The following AP4E1 variants were observed in gnomAD, a reference collection of about 807,000 sequenced individuals.
AP4E1 encodes AP-4 complex subunit epsilon-1.
In AP4E1, 56 loss-of-function variants were observed where a neutral mutation model predicts 128.2. That is an observed-to-expected ratio of 0.44 (90% CI 0.35 to 0.55). The LOEUF (loss-of-function observed/expected upper bound fraction) is 0.55. Among genes scored for constraint, AP4E1 ranks in the 20% least tolerant of loss-of-function variants. The probability of loss-of-function intolerance (pLI) is 0.00; values close to 1 mark genes in which losing one functional copy is unlikely to be tolerated. For missense variants in AP4E1, 1,324 were observed against 1,307.7 expected (o/e 1.01, Z -0.19); for synonymous variants, 484 against 473.1 (o/e 1.02, Z -0.30).
At chr15:50,975,237 C>T (rs2064535936) in intron 15 of AP4E1, among the ~76,000 whole-genome samples, 1 of 152,156 alleles carries the variant, frequency 6.6e-6, no homozygotes, top group Non-Finnish European at 1.5e-5. Flanking sequence ...GATACCTCAT[C>T]TCTACTGAAA....
intron 16 of AP4E1, among the ~76,000 whole-genome samples, chr15:50,992,435 C>G (rs2064818855): frequency 6.6e-6 from 1 of 152,046 alleles, no homozygotes; most frequent in South Asian, 2.1e-4. Flanking sequence ...AAATGATTAC[C>G]ACAATCAAAC....
At chr15:50,921,461 G>A (rs1359453435) in intron 3 of AP4E1, among the ~76,000 whole-genome samples, 1 of 151,756 alleles carries the variant, frequency 6.6e-6, no homozygotes, top group Non-Finnish European at 1.5e-5. Context: ...CGATTCTTAT[G>A]CCTCAGCCTC....
At chr15:50,995,980 CTTTT>C (rs1199189475) in intron 17 of AP4E1, among the ~76,000 whole-genome samples, 13 of 91,796 alleles carry the variant, frequency 1.4e-4, no homozygotes, top group Admixed American at 4.5e-4. Flanking sequence ...TAATATACAT[CTTTT>C]TTTTTTTTTT....
intron 3 of AP4E1, among the ~76,000 whole-genome samples, chr15:50,923,612 TTTGA>T (rs2063733854): frequency 6.6e-6 from 1 of 152,188 alleles, no homozygotes; most frequent in Admixed American, 6.5e-5. Flanking sequence ...TAGAGAATGC[TTTGA>T]TTGATAATGT....
At chr15:50,983,893 T>A (rs1267433066) in intron 15 of AP4E1, 129 bp from the exon 16 acceptor site, 1 of 855,560 alleles carries the variant, frequency 1.2e-6, no homozygotes. Context: ...TAGATCATCC[T>A]CAAAGTCCTT....
intron 14 of AP4E1, 130 bp downstream of exon 14, chr15:50,958,924 C>T: frequency 2.0e-6 from 2 of 1,008,074 alleles, no homozygotes; most frequent in East Asian, 2.5e-5. Context: ...GTTGGAGTTC[C>T]TTTTCACATT....
intron 3 of AP4E1, among the ~76,000 whole-genome samples, chr15:50,918,725 A>G (rs998611921): frequency 4.6e-5 from 7 of 152,176 alleles, no homozygotes; most frequent in African/African-American, 1.7e-4. Flanking sequence ...TCTCTTTTAT[A>G]TAAAAGGCAG....
intron 5 of AP4E1, among the ~76,000 whole-genome samples, chr15:50,927,103 A>T (rs2063778566): frequency 6.6e-6 from 1 of 152,188 alleles, no homozygotes. Flanking sequence ...TAAAAGCAGC[A>T]TATTTTTGCT....
intron 3 of AP4E1, among the ~76,000 whole-genome samples, chr15:50,919,024 T>A (rs1256240551): frequency 1.3e-5 from 2 of 150,960 alleles, no homozygotes; most frequent in South Asian, 4.2e-4. Context: ...AGGTCAAGAG[T>A]TCGAGACCAG....
chr15:50,908,617 C>A, upstream of AP4E1: 1 of 980,514 alleles, frequency 1.0e-6, no homozygotes, highest in Non-Finnish European at 1.4e-6. Flanking sequence ...GGTGGCCTCT[C>A]GCGAGAACGA....
chr15:50,977,395 AT>A (rs1057242592), intron 15 of AP4E1, among the ~76,000 whole-genome samples: 18 of 152,228 alleles, frequency 1.2e-4, no homozygotes, highest in Admixed American at 6.5e-4. Flanking sequence ...TGCCAAGTAC[AT>A]TTTTTCCCAT....
chr15:50,924,597 A>T (rs181392474), intron 4 of AP4E1, among the ~76,000 whole-genome samples: 1 of 152,150 alleles, frequency 6.6e-6, no homozygotes, highest in African/African-American at 2.4e-5. Context: ...CATATACTAT[A>T]TTAAGGTTAC....
intron 11 of AP4E1, among the ~76,000 whole-genome samples, chr15:50,949,376 GCCCTCC>G (rs1489322854): frequency 6.8e-6 from 1 of 147,938 alleles, no homozygotes; most frequent in African/African-American, 2.5e-5. Context: ...TCGCACCACT[GCCCTCC>G]AGGCTTGGCG....
chr15:50,947,455 C>T lies in AP4E1; in HGVS notation c.1177-565C>T, dbSNP rs560457122. On this transcript the variant is annotated intron_variant, in intron 10 of 20. Transcript: ENST00000261842. ...AAAAAGTAGCTATAAAACAGTTCTT[C>T]CTTGATGACTGAGATTTTGAACCTA... Among the ~76,000 whole-genome samples the T allele has an allele frequency of 2.6e-5, 4 of 151,542 alleles. No homozygotes were observed. In the South Asian group the frequency reaches 8.3e-4, roughly 32 times the overall value.
At chr15:50,925,968 A>G (rs149553767) in intron 5 of AP4E1, among the ~76,000 whole-genome samples, 3 of 151,916 alleles carry the variant, frequency 2.0e-5, no homozygotes, top group Admixed American at 1.3e-4. Context: ...TTTTAATCCT[A>G]TTTTACAGCA....
chr15:50,977,229 C>T (rs2064563961), intron 15 of AP4E1, among the ~76,000 whole-genome samples: 1 of 152,084 alleles, frequency 6.6e-6, no homozygotes, highest in Non-Finnish European at 1.5e-5. Flanking sequence ...ATCTGGGGGC[C>T]ACCAGTTGCC....
intron 2 of AP4E1, among the ~76,000 whole-genome samples, chr15:50,913,971 C>T (rs1363625654): frequency 6.6e-6 from 1 of 152,018 alleles, no homozygotes; most frequent in Non-Finnish European, 1.5e-5. Flanking sequence ...GCGCAGGTCC[C>T]CACGCCTGGC....
At chr15:50,972,671 C>G (rs1161539603) in intron 15 of AP4E1, among the ~76,000 whole-genome samples, 1 of 152,194 alleles carries the variant, frequency 6.6e-6, no homozygotes, top group Admixed American at 6.5e-5. Context: ...AGTCAGCCAA[C>G]TTGGGTTCTG....
chr15:50,944,588 A>T (rs2064031940), intron 10 of AP4E1: 1 of 97,200 alleles, frequency 1.0e-5, no homozygotes, highest in South Asian at 2.3e-4. Flanking sequence ...AAAACAGTTA[A>T]AAAAAAAAAA....
Sources: allele counts gnomAD v4.1 joint callset (sites outside exome capture counted in the v4.1 genomes callset), GRCh38; gene constraint gnomAD v4.1.1; transcripts MANE v1.5; gene names NCBI Gene and HGNC (gene_info 2026-07-23, HGNC 2026-07-21).